The following LPAR1 variants were observed in gnomAD, a reference collection of about 807,000 sequenced individuals.
The protein encoded by LPAR1 is lysophosphatidic acid receptor 1, also known as LPA receptor 1.
A neutral mutation model predicts 23.8 loss-of-function variants in LPAR1; 5 were observed. The ratio of observed to expected loss-of-function variants is 0.21; its 90% CI spans 0.11 to 0.44. The LOEUF (loss-of-function observed/expected upper bound fraction) is 0.44, where lower values mean the gene tolerates loss of function less well. Among genes scored for constraint, LPAR1 ranks in the 20% least tolerant of loss-of-function variants. The pLI is 0.99. For synonymous variants in LPAR1, 160 were observed against 164.7 expected, an observed-to-expected ratio of 0.97 and a Z score of 0.22; for missense variants, 311 against 482.8, an observed-to-expected ratio of 0.64 and a Z score of 3.33.
chr9:110,928,018 G>A (rs1314460008), intron 5 of LPAR1, among the ~76,000 whole-genome samples: 1 of 152,038 alleles, frequency 6.6e-6, no homozygotes, highest in East Asian at 1.9e-4. Flanking sequence ...GTACAAAAAT[G>A]TCCTCAAAGT....
intron 5 of LPAR1, among the ~76,000 whole-genome samples, chr9:110,933,298 T>C (rs1381416581): frequency 6.6e-6 from 1 of 152,122 alleles, no homozygotes; most frequent in African/African-American, 2.4e-5. Flanking sequence ...TGTAGGTAGA[T>C]GTGAATGGAT....
rs1337616360 is a variant in LPAR1 at position 110,945,692 on chromosome 9, G to A, written c.46-3524C>T. ...TAGGTCTCACAGGACTAAAATCACC[G>A]GGAAGGCAAAGCTCTGTTTCTTTCC... On this transcript the variant is annotated intron_variant, in intron 4 of 5. Transcript: ENST00000683809. 3.9e-5 allele frequency among the ~76,000 whole-genome samples: 6 copies of A among 152,132 alleles called. No homozygotes were observed. The South Asian group carries it at 6.2e-4, about 16-fold the overall frequency.
intron 2 of LPAR1, among the ~76,000 whole-genome samples, chr9:111,025,514 A>C (rs565867967): frequency 6.6e-6 from 1 of 152,064 alleles, no homozygotes; most frequent in African/African-American, 2.4e-5. Flanking sequence ...CACTCTGATG[A>C]TAGTTTCTTT....
chr9:110,991,662 G>C (rs2096897699), intron 2 of LPAR1, among the ~76,000 whole-genome samples: 2 of 152,084 alleles, frequency 1.3e-5, no homozygotes, highest in Admixed American at 6.6e-5. Context: ...AGGCTGGAGT[G>C]CAATGGCACG....
intron 2 of LPAR1, among the ~76,000 whole-genome samples, chr9:111,005,900 C>T (rs1005910126): frequency 6.6e-6 from 1 of 152,172 alleles, no homozygotes; most frequent in Admixed American, 6.6e-5. Context: ...CTGCTATATG[C>T]CATCACCTCT....
rs138411727 is a variant in LPAR1 at position 110,922,092 on chromosome 9, C to T, written c.793+19329G>A. On this transcript the variant is annotated intron_variant, in intron 5 of 5. Transcript: ENST00000683809. The stretch of plus-strand genomic sequence containing the variant: ...TGGAACCAAGAAATAAAAGTAGGAA[C>T]TGGGGAAGAAGAGTCAATGAGATGA... 2.1e-3 allele frequency among the ~76,000 whole-genome samples: 323 copies of T among 152,186 alleles called. 3 individuals are homozygous for T. Among genetic ancestry groups the T allele is most frequent in the African/African-American group, 7.1e-3 (297 of 41,544 alleles).
intron 2 of LPAR1, among the ~76,000 whole-genome samples, chr9:110,991,579 T>TTGTTG (rs2096894500): frequency 4.1e-5 from 3 of 72,934 alleles, no homozygotes; most frequent in African/African-American, 1.4e-4. Flanking sequence ...TCTGGTTTGT[T>TTGTTG]TTGTTGTTGT....
chr9:110,897,818 T>G (rs1434139945), intron 5 of LPAR1, among the ~76,000 whole-genome samples: 4 of 152,064 alleles, frequency 2.6e-5, no homozygotes, highest in Admixed American at 1.3e-4. Context: ...TTGATTTTTT[T>G]TTTTAATGAG....
intron 5 of LPAR1, among the ~76,000 whole-genome samples, chr9:110,909,729 G>T (rs1373602417): frequency 6.8e-5 from 10 of 147,780 alleles, no homozygotes; most frequent in South Asian, 2.2e-4. Context: ...ATTAAATAAA[G>T]TATTTATTTA....
intron 4 of LPAR1, among the ~76,000 whole-genome samples, chr9:110,944,126 G>T (rs1451720271): frequency 6.6e-6 from 1 of 152,134 alleles, no homozygotes; most frequent in Non-Finnish European, 1.5e-5. Context: ...AGAATTACCT[G>T]AGAGTTTGTA....
intron 5 of LPAR1, among the ~76,000 whole-genome samples, chr9:110,912,829 C>T (rs1418942452): frequency 6.6e-6 from 1 of 152,048 alleles, no homozygotes; most frequent in Non-Finnish European, 1.5e-5. Context: ...GAGAAGGGTT[C>T]CTTTCAGTTC....
intron 5 of LPAR1, among the ~76,000 whole-genome samples, chr9:110,923,928 A>G (rs181344652): frequency 1.3e-3 from 198 of 152,370 alleles, no homozygotes; most frequent in Non-Finnish European, 2.2e-3. Flanking sequence ...TCAAAGGAGT[A>G]CATATATTTT....
intron 2 of LPAR1, chr9:110,999,427 A>T (rs376107625): frequency 6.6e-6 from 3 of 456,164 alleles, no homozygotes; most frequent in South Asian, 4.6e-5. Flanking sequence ...AGCAGGAATG[A>T]GTAGCAGCAG....
chr9:110,895,161 G>A (rs764048376), intron 5 of LPAR1, among the ~76,000 whole-genome samples: 13 of 152,170 alleles, frequency 8.5e-5, no homozygotes, highest in Non-Finnish European at 1.3e-4. Flanking sequence ...CAAGTAGAGG[G>A]GAACAATTTC....
chr9:110,943,397 C>T (rs1245216619), intron 4 of LPAR1, among the ~76,000 whole-genome samples: 6 of 152,016 alleles, frequency 3.9e-5, no homozygotes, highest in Admixed American at 3.9e-4. Context: ...AGGTTGTACA[C>T]TAAAACTTCC....
At chr9:110,975,454 A>C (rs1465376438) in intron 2 of LPAR1, among the ~76,000 whole-genome samples, 1 of 152,216 alleles carries the variant, frequency 6.6e-6, no homozygotes, top group Non-Finnish European at 1.5e-5. Context: ...AGGCTTTGAA[A>C]GGTATTGTGA....
At chr9:110,997,998 T>C (rs899878330) in intron 2 of LPAR1, among the ~76,000 whole-genome samples, 1 of 152,216 alleles carries the variant, frequency 6.6e-6, no homozygotes, top group African/African-American at 2.4e-5. Context: ...CAGAATTCAC[T>C]GGAGGGCTTG....
intron 2 of LPAR1, among the ~76,000 whole-genome samples, chr9:111,001,851 C>T (rs1224928073): frequency 6.6e-6 from 1 of 152,164 alleles, no homozygotes; most frequent in Non-Finnish European, 1.5e-5. Flanking sequence ...TGTAATGTTC[C>T]TGATTCAGCA....
chr9:110,929,558 T>C (rs2094257092), intron 5 of LPAR1, among the ~76,000 whole-genome samples: 1 of 152,110 alleles, frequency 6.6e-6, no homozygotes, highest in Admixed American at 6.6e-5. Flanking sequence ...CAAAATAAAA[T>C]GCAGAAATAG....
Sources: allele counts gnomAD v4.1 joint callset (sites outside exome capture counted in the v4.1 genomes callset), GRCh38; gene constraint gnomAD v4.1.1; transcripts MANE v1.5; gene names NCBI Gene and HGNC (gene_info 2026-07-23, HGNC 2026-07-21).